Variants in C3orf20 observed in about 807,000 individuals in gnomAD.
The protein encoded by C3orf20 is uncharacterized protein C3orf20.
In C3orf20, 76 loss-of-function variants were observed where a neutral mutation model predicts 88.3. The ratio of observed to expected loss-of-function variants is 0.86; its 90% CI spans 0.72 to 1.04. The LOEUF (loss-of-function observed/expected upper bound fraction) is 1.04, where lower values mean the gene tolerates loss of function less well. C3orf20 is among the 50% of genes least tolerant of loss of function. The pLI is 0.00. For missense variants in C3orf20, 1,056 were observed against 1,123.3 expected (o/e 0.94, Z 0.86); for synonymous variants, 436 against 437.4 (o/e 1.00, Z 0.04).
intron 1 of C3orf20, among the ~76,000 whole-genome samples, chr3:14,676,930 A>T (rs1053647647): frequency 6.6e-6 from 1 of 152,188 alleles, no homozygotes; most frequent in African/African-American, 2.4e-5. Context: ...TTTCTCTGCC[A>T]AGCATCTGTC....
chr3:14,740,820 CT>C (rs1424409766), intron 12 of C3orf20, among the ~76,000 whole-genome samples: 1 of 151,844 alleles, frequency 6.6e-6, no homozygotes, highest in East Asian at 1.9e-4. Flanking sequence ...CTTATTTATT[CT>C]ATTTTTCACT....
chr3:14,770,389 C>T (rs7651424), intron 15 of C3orf20, among the ~76,000 whole-genome samples: 91,691 of 152,070 alleles, frequency 0.6, 29,769 homozygotes, highest in African/African-American at 0.86. Flanking sequence ...CTTGAAATGA[C>T]GGAGTAGGCT....
intron 12 of C3orf20, among the ~76,000 whole-genome samples, chr3:14,732,629 G>A (rs1004329153): frequency 7.2e-5 from 11 of 152,138 alleles, no homozygotes; most frequent in African/African-American, 1.7e-4. Context: ...TTATTATCAC[G>A]ACTAGGGAGG....
intron 9 of C3orf20, among the ~76,000 whole-genome samples, chr3:14,718,164 A>G (rs537265815): frequency 6.6e-6 from 1 of 152,130 alleles, no homozygotes; most frequent in South Asian, 2.1e-4. Flanking sequence ...GACTCCAATT[A>G]TGTCTATTTT....
intron 12 of C3orf20, among the ~76,000 whole-genome samples, chr3:14,747,070 A>G (rs1423441357): frequency 1.3e-5 from 2 of 152,232 alleles, no homozygotes; most frequent in African/African-American, 4.8e-5. Context: ...TGGCAACTCT[A>G]AAAGGGACTT....
At chr3:14,699,339 T>C (rs2124926760) in intron 5 of C3orf20, among the ~76,000 whole-genome samples, 1 of 152,334 alleles carries the variant, frequency 6.6e-6, no homozygotes, top group African/African-American at 2.4e-5. Flanking sequence ...ACTGTGACCA[T>C]CACATCTGAG....
chr3:14,697,129 T>C (rs2033040745), intron 5 of C3orf20, among the ~76,000 whole-genome samples: 2 of 152,226 alleles, frequency 1.3e-5, no homozygotes, highest in South Asian at 4.1e-4. Context: ...TTTGGGAGTT[T>C]GGTTATTAAA....
At position 14,726,908 on chromosome 3, in the gene C3orf20, G is replaced by A. The variant is rs147012833; in HGVS notation, c.1574G>A (p.Arg525His). 42 of 1,613,850 alleles carry A rather than the reference G, an allele frequency of 2.6e-5. No individual in the cohort carries two copies. The highest frequency in any genetic ancestry group is 3.3e-5 in the South Asian group (3 of 91,080). Residue 525 changes from arginine (R) to histidine (H), a missense_variant, in exon 11 of 17, where the codon CGC becomes CAC. Transcript: ENST00000253697. The stretch of plus-strand genomic sequence containing the variant: ...CCCTTTGCCCCTCTCCAGCTGAACC[G>A]CAGAATCAGCAACATGGACGACAAG... The part of the protein sequence containing the change: ...HGMAYDKRLN[R>H]RISNMDDKVY...
intron 1 of C3orf20, among the ~76,000 whole-genome samples, chr3:14,677,549 G>A (rs1289871344): frequency 6.6e-6 from 1 of 151,986 alleles, no homozygotes; most frequent in African/African-American, 2.4e-5. Context: ...TGCCCAGGCT[G>A]GAGTGCAATA....
chr3:14,737,513 G>A (rs2034755249), intron 12 of C3orf20, among the ~76,000 whole-genome samples: 1 of 152,150 alleles, frequency 6.6e-6, no homozygotes, highest in Non-Finnish European at 1.5e-5. Flanking sequence ...AAAACACAAT[G>A]TACATACCAT....
intron 7 of C3orf20, among the ~76,000 whole-genome samples, chr3:14,711,338 C>G (rs183853090): frequency 1.3e-5 from 2 of 152,148 alleles, no homozygotes; most frequent in Admixed American, 1.3e-4. Context: ...TATATTGAGG[C>G]TCTGTTATTA....
Position 14,772,654 on chromosome 3 carries a change from C to T in C3orf20, c.2631-137C>T, listed in dbSNP as rs1455036816. 4.5e-6 allele frequency: 3 copies of T among 661,478 alleles called. No individual in the cohort carries two copies. The East Asian group carries it at 8.2e-5, about 18-fold the overall frequency. The allele number at this position is 661,478 out of a possible 1,614,324, so 41.0% of individuals were successfully genotyped here. A position where few individuals can be genotyped will look rare whatever the true frequency, so the allele number is the denominator to read the frequency against. ...AAAGGTCGCAGGTGCCACCGGGGCC[C>T]TCTGGTTGGAACAGCACCCAACAGC... On this transcript the variant is annotated intron_variant, in intron 16 of 16. Coordinates refer to ENST00000253697, the MANE Select transcript of C3orf20 (RefSeq NM_032137.5). The surrounding 1 kb of genome is among the most constrained non-coding windows in gnomAD (Gnocchi z 4.2).
chr3:14,769,520 A>T (rs2035804869), intron 15 of C3orf20, among the ~76,000 whole-genome samples: 1 of 152,134 alleles, frequency 6.6e-6, no homozygotes, highest in Non-Finnish European at 1.5e-5. Context: ...CCACCTCAGA[A>T]GAGGCAGGAA....
chr3:14,678,701 T>C (rs2031923277), intron 1 of C3orf20, among the ~76,000 whole-genome samples: 1 of 152,228 alleles, frequency 6.6e-6, no homozygotes, highest in African/African-American at 2.4e-5. Flanking sequence ...CCTTAGGCTA[T>C]GTGGCTGACT....
At chr3:14,755,898 G>A (rs979620287) in intron 12 of C3orf20, among the ~76,000 whole-genome samples, 2 of 151,682 alleles carry the variant, frequency 1.3e-5, no homozygotes, top group African/African-American at 4.8e-5. Context: ...GCGTGGTGGT[G>A]GGCGCCTGTA....
intron 13 of C3orf20, 117 bp downstream of exon 13, chr3:14,757,791 C>A (rs2035425659): frequency 1.1e-6 from 1 of 878,718 alleles, no homozygotes; most frequent in East Asian, 2.7e-5. Flanking sequence ...GGCCACCCTC[C>A]TTCAGCTCCT....
chr3:14,690,893 G>A (rs548721379), intron 5 of C3orf20, among the ~76,000 whole-genome samples: 1 of 152,354 alleles, frequency 6.6e-6, no homozygotes, highest in East Asian at 1.9e-4. Flanking sequence ...GACACTGGAG[G>A]TAAGGCTGGA....
intron 12 of C3orf20, among the ~76,000 whole-genome samples, chr3:14,756,797 C>T (rs1045080048): frequency 1.2e-4 from 19 of 152,330 alleles, no homozygotes; most frequent in African/African-American, 4.6e-4. Context: ...CCTTGAAGCA[C>T]ATGGCAGGGA....
In C3orf20 at chr3:14,761,559, C is replaced by G. The variant is rs376795650; in HGVS notation, c.2439C>G (p.Phe813Leu). ...AGCAGAATCTGCTGAAACAGATCTT[C>G]CGGTCTCAACAGGATTACAAGATGG... is the stretch of plus-strand genomic sequence containing the variant. ...LSKQNLLKQI[F>L]RSQQDYKMGY... is the part of the protein sequence containing the mutation. Residue 813 changes from phenylalanine to leucine, a missense_variant, in exon 15 of 17, where the codon TTC (phenylalanine) becomes TTG (leucine). Phe to Leu is a conservative substitution (Grantham distance 22). Transcript: ENST00000253697. 1.6e-5 allele frequency: 26 copies of G among 1,613,906 alleles called. No homozygotes were observed. The African/African-American group carries it at 3.2e-4, about 20-fold the overall frequency.
Sources: allele counts gnomAD v4.1 joint callset (sites outside exome capture counted in the v4.1 genomes callset), GRCh38; gene constraint gnomAD v4.1.1; non-coding constraint Gnocchi (gnomAD v3.1); transcripts MANE v1.5; gene names NCBI Gene and HGNC (gene_info 2026-07-23, HGNC 2026-07-21).